Variants in CADM2 observed in about 807,000 individuals in gnomAD.
The protein encoded by CADM2 is immunoglobulin superfamily member 4D.
Under a neutral mutation model 49.8 loss-of-function variants are expected in CADM2, and 12 were observed. The observed-to-expected ratio is 0.24, with a 90% CI of 0.15 to 0.39. The LOEUF is 0.39. Among genes scored for constraint, CADM2 ranks in the 10% least tolerant of loss-of-function variants. The probability of loss-of-function intolerance (pLI) is 1.00; values close to 1 mark genes in which losing one functional copy is unlikely to be tolerated. For synonymous variants in CADM2, 214 were observed against 175.4 expected (o/e 1.22, Z -1.74); for missense variants, 378 against 492.3 (o/e 0.77, Z 2.20).
At chr3:85,498,612 C>G (rs762935909) in intron 1 of CADM2, among the ~76,000 whole-genome samples, 1 of 151,684 alleles carries the variant, frequency 6.6e-6, no homozygotes, top group Non-Finnish European at 1.5e-5. Flanking sequence ...AATGTAAGAC[C>G]CTTTACATCT....
chr3:85,430,758 A>C (rs1040178494), intron 1 of CADM2, among the ~76,000 whole-genome samples: 8 of 152,068 alleles, frequency 5.3e-5, no homozygotes, highest in African/African-American at 1.9e-4. Context: ...TTTGGAAGTT[A>C]GGATATATAC....
chr3:85,849,262 A>G (rs964260973), intron 3 of CADM2, among the ~76,000 whole-genome samples: 1 of 152,228 alleles, frequency 6.6e-6, no homozygotes, highest in Non-Finnish European at 1.5e-5. Context: ...AAAGTCAGTA[A>G]GATTATATAC....
intron 1 of CADM2, among the ~76,000 whole-genome samples, chr3:84,973,501 A>C (rs1036409206): frequency 3.3e-5 from 5 of 152,200 alleles, no homozygotes; most frequent in African/African-American, 1.2e-4. Context: ...ATATTCAAGA[A>C]TGCTCTATTC....
At chr3:84,995,388 G>A (rs533056532) in intron 1 of CADM2, among the ~76,000 whole-genome samples, 1 of 152,090 alleles carries the variant, frequency 6.6e-6, no homozygotes, top group African/African-American at 2.4e-5. Flanking sequence ...ATAATTTCTG[G>A]GATTAATACA....
intron 1 of CADM2, among the ~76,000 whole-genome samples, chr3:85,321,504 A>G (rs2044612280): frequency 6.6e-6 from 1 of 152,000 alleles, no homozygotes; most frequent in African/African-American, 2.4e-5. Context: ...TATTTTAATT[A>G]GTATTATAGA....
At chr3:85,219,469 C>T (rs1288477696) in intron 1 of CADM2, among the ~76,000 whole-genome samples, 2 of 152,122 alleles carry the variant, frequency 1.3e-5, no homozygotes, top group Admixed American at 1.3e-4. Flanking sequence ...GTAACTGTCA[C>T]TTTAAAAGTA....
At chr3:85,428,439 T>G (rs1018529683) in intron 1 of CADM2, among the ~76,000 whole-genome samples, 16 of 145,710 alleles carry the variant, frequency 1.1e-4, no homozygotes, top group Non-Finnish European at 1.7e-4. Context: ...TATATATATA[T>G]AGATATATAT....
intron 1 of CADM2, among the ~76,000 whole-genome samples, chr3:85,276,482 C>G (rs889017872): frequency 1.5e-4 from 22 of 151,302 alleles, no homozygotes; most frequent in African/African-American, 4.8e-4. Flanking sequence ...ATCTTTGACT[C>G]AGTAACTTCT....
intron 8 of CADM2, among the ~76,000 whole-genome samples, chr3:86,051,954 T>A (rs1374411202): frequency 6.8e-6 from 1 of 147,400 alleles, no homozygotes; most frequent in African/African-American, 2.4e-5. Flanking sequence ...ATCTAAATCA[T>A]ATCAGTGACT....
At chr3:85,068,394 G>C (rs1182991514) in intron 1 of CADM2, among the ~76,000 whole-genome samples, 1 of 152,128 alleles carries the variant, frequency 6.6e-6, no homozygotes, top group Non-Finnish European at 1.5e-5. Flanking sequence ...ACACAATCTG[G>C]AACTCTGTAA....
chr3:85,258,281 G>A lies in CADM2; in HGVS notation c.61+298613G>A, dbSNP rs866088625. On this transcript the variant is annotated intron_variant, in intron 1 of 9. Coordinates refer to ENST00000383699, the MANE Select transcript of CADM2 (RefSeq NM_001167675.2). ...GGAAAGCTCTGGCAGATAATAAAATGCAAATTGAAATTTCTGGTAATTAAT... is the reference window on the plus strand; with the variant it reads ...GGAAAGCTCTGGCAGATAATAAAATACAAATTGAAATTTCTGGTAATTAAT... Among the ~76,000 whole-genome samples the A allele has an allele frequency of 2.2e-4, 33 of 152,176 alleles. 1 individual carries two copies. The Middle Eastern group carries it at 0.017, about 78-fold the overall frequency.
intron 1 of CADM2, among the ~76,000 whole-genome samples, chr3:85,107,219 G>T (rs1036583472): frequency 1.3e-5 from 2 of 151,670 alleles, no homozygotes; most frequent in Non-Finnish European, 2.9e-5. Context: ...GTGAGGGAGG[G>T]TTTAGAAAAG....
intron 1 of CADM2, among the ~76,000 whole-genome samples, chr3:85,599,464 T>A (rs544767945): frequency 2.0e-5 from 3 of 152,120 alleles, no homozygotes; most frequent in Admixed American, 6.6e-5. Flanking sequence ...CGAACTCTGT[T>A]CAGAGCCCAA....
chr3:85,897,436 A>AT (rs1348775695), intron 5 of CADM2, among the ~76,000 whole-genome samples: 2 of 148,142 alleles, frequency 1.4e-5, no homozygotes, highest in African/African-American at 5.0e-5. Flanking sequence ...CGCCCGGCTA[A>AT]TTTTTTGTAT....
intron 5 of CADM2, among the ~76,000 whole-genome samples, chr3:85,895,132 C>G (rs1296331661): frequency 1.3e-5 from 2 of 152,198 alleles, no homozygotes; most frequent in African/African-American, 4.8e-5. Context: ...TGCAGACACT[C>G]ACGCCTGCTA....
intron 1 of CADM2, among the ~76,000 whole-genome samples, chr3:85,044,989 A>G (rs1277936300): frequency 6.6e-6 from 1 of 152,010 alleles, no homozygotes; most frequent in Non-Finnish European, 1.5e-5. Context: ...CTACTTCTAT[A>G]TGACCAGGTG....
Position 85,850,247 on chromosome 3 carries a change from T to TA in CADM2, c.239-33038dup, listed in dbSNP as rs1177019140. 2.1e-5 allele frequency among the ~76,000 whole-genome samples: 3 copies of TA among 144,410 alleles called. No homozygotes were observed. In the Admixed American group the frequency reaches 2.1e-4, roughly 10 times the overall value. 94.7% of individuals were successfully genotyped at this position (144,410 alleles called of 152,430 possible). On this transcript the variant is annotated intron_variant, in intron 3 of 9. Coordinates refer to ENST00000383699, the MANE Select transcript of CADM2 (RefSeq NM_001167675.2). The stretch of plus-strand genomic sequence containing the variant: ...TTACGGCAAAACAAGTTATGGTACA[T>TA]AAAAAACCAAGGCAAACTTGATCAG...
At chr3:85,717,014 T>G (rs2067318328) in intron 1 of CADM2, among the ~76,000 whole-genome samples, 1 of 152,210 alleles carries the variant, frequency 6.6e-6, no homozygotes, top group African/African-American at 2.4e-5. Flanking sequence ...TTAAAGTAGT[T>G]TTTTATAATT....
At position 85,321,116 on chromosome 3, in the gene CADM2, ATTTTTTTTTTTTTTTTTTTTT is replaced by A. The variant is rs1157576505; in HGVS notation, c.61+361478_61+361498del. ...CATATATATATATATATATATATATATTTTTTTTTTTTTTTTTTTTTTTTTTTTTTTTTTTTTTTTTTTTTT... is the reference window on the plus strand; with the variant it reads ...CATATATATATATATATATATATATATTTTTTTTTTTTTTTTTTTTTTTTT... On this transcript the variant is annotated intron_variant, in intron 1 of 9. Coordinates refer to ENST00000383699, the MANE Select transcript of CADM2 (RefSeq NM_001167675.2). Among the ~76,000 whole-genome samples, 139 of 27,464 alleles carry A rather than the reference ATTTTTTTTTTTTTTTTTTTTT, an allele frequency of 5.1e-3. 5 individuals are homozygous for A. Among genetic ancestry groups the A allele is most frequent in the South Asian group, 0.012 (11 of 882 alleles). 18.0% of individuals were successfully genotyped at this position (27,464 alleles called of 152,430 possible). A position where few individuals can be genotyped will look rare whatever the true frequency, so the allele number is the denominator to read the frequency against.
Sources: gnomAD v4.1 joint callset for allele counts (sites outside exome capture counted in the v4.1 genomes callset) on GRCh38, gnomAD v4.1.1 for gene constraint, MANE v1.5 for transcripts, NCBI Gene and HGNC (gene_info 2026-07-23, HGNC 2026-07-21) for gene names.